The following CDK6 variants were observed in gnomAD, a reference collection of about 807,000 sequenced individuals.
CDK6 encodes the protein cyclin dependent kinase 6, also known as cyclin-dependent kinase 6.
Under a neutral mutation model 37.1 loss-of-function variants are expected in CDK6, and 6 were observed. The observed-to-expected ratio is 0.16, with a 90% CI of 0.09 to 0.32. The LOEUF is 0.32. CDK6 is among the 10% of genes least tolerant of loss of function. The pLI is 1.00. For synonymous variants in CDK6, 160 were observed against 161.3 expected (o/e 0.99, Z 0.06); for missense variants, 224 against 418.9 (o/e 0.53, Z 4.06).
At chr7:92,781,605 G>A (rs1799993663) in intron 2 of CDK6, among the ~76,000 whole-genome samples, 1 of 152,240 alleles carries the variant, frequency 6.6e-6, no homozygotes. Context: ...ACAATAAAAG[G>A]GAAATCTGTC....
At chr7:92,755,494 G>A (rs1413271979) in intron 3 of CDK6, among the ~76,000 whole-genome samples, 1 of 152,258 alleles carries the variant, frequency 6.6e-6, no homozygotes, top group East Asian at 1.9e-4. Context: ...AACATGGCGA[G>A]GGGCCCACAG....
intron 5 of CDK6, among the ~76,000 whole-genome samples, chr7:92,636,699 C>T (rs913220524): frequency 2.6e-5 from 4 of 152,058 alleles, no homozygotes; most frequent in South Asian, 2.1e-4. Context: ...TCCCCTGAGA[C>T]GGAGTGCCCA....
chr7:92,681,202 CT>C (rs1452518541), intron 4 of CDK6, among the ~76,000 whole-genome samples: 3 of 152,224 alleles, frequency 2.0e-5, no homozygotes, highest in East Asian at 3.9e-4. Context: ...ACCTGATTAG[CT>C]TCAGAGATTG....
chr7:92,710,633 A>G (rs956977297), intron 4 of CDK6: 1 of 894,708 alleles, frequency 1.1e-6, no homozygotes, highest in East Asian at 1.2e-4. Context: ...CCAGAAAAAA[A>G]TCTGAAGATT....
intron 4 of CDK6, among the ~76,000 whole-genome samples, chr7:92,714,213 A>G (rs1308903421): frequency 6.6e-6 from 1 of 152,232 alleles, no homozygotes; most frequent in East Asian, 1.9e-4. Flanking sequence ...GGCAGACTTC[A>G]GAGATGGCAT....
At position 92,612,958 on chromosome 7, in the gene CDK6, C is replaced by A; in HGVS notation, c.*2182G>T. 4.3e-6 allele frequency: 1 copy of A among 233,080 alleles called. No individual in the cohort carries two copies. Among genetic ancestry groups the A allele is most frequent in the Non-Finnish European group, 8.5e-6 (1 of 117,958 alleles). 14.4% of individuals were successfully genotyped at this position (233,080 alleles called of 1,614,324 possible). A position where few individuals can be genotyped will look rare whatever the true frequency, so the allele number is the denominator to read the frequency against. On this transcript the variant is annotated 3_prime_UTR_variant, in exon 8 of 8. Coordinates refer to ENST00000424848, the MANE Select transcript of CDK6 (RefSeq NM_001145306.2). ...CAAAGGAAAGGCAGAACTCACTTTT[C>A]CATGTGAGACTTTGAGTAGACCTGA... is the stretch of plus-strand genomic sequence containing the variant.
At chr7:92,665,950 C>T (rs1319726015) in intron 5 of CDK6, among the ~76,000 whole-genome samples, 2 of 152,196 alleles carry the variant, frequency 1.3e-5, no homozygotes, top group Admixed American at 1.3e-4. Flanking sequence ...TCTGTAAGCT[C>T]TGGAAAGAAG....
At chr7:92,720,881 T>C (rs2065123983) in intron 4 of CDK6, among the ~76,000 whole-genome samples, 1 of 152,198 alleles carries the variant, frequency 6.6e-6, no homozygotes. Flanking sequence ...AACAGGTGTA[T>C]ATTCTTGAAA....
chr7:92,641,901 T>A (rs1796316253), intron 5 of CDK6, among the ~76,000 whole-genome samples: 1 of 152,240 alleles, frequency 6.6e-6, no homozygotes, highest in African/African-American at 2.4e-5. Context: ...ACAGTTAAAG[T>A]ACATTCTGTT....
chr7:92,750,597 C>T (rs1311177283), intron 3 of CDK6, among the ~76,000 whole-genome samples: 1 of 152,086 alleles, frequency 6.6e-6, no homozygotes, highest in African/African-American at 2.4e-5. Flanking sequence ...GTGATAAAAC[C>T]TTATTGTAAC....
intron 5 of CDK6, among the ~76,000 whole-genome samples, chr7:92,633,215 T>C (rs1796093723): frequency 1.3e-5 from 2 of 152,158 alleles, no homozygotes; most frequent in African/African-American, 4.8e-5. Context: ...TAAAGACAAC[T>C]GGTATCCTGT....
At chr7:92,704,899 T>C (rs1020104524) in intron 4 of CDK6, among the ~76,000 whole-genome samples, 3 of 152,250 alleles carry the variant, frequency 2.0e-5, no homozygotes, top group African/African-American at 4.8e-5. Context: ...TTAAACTGTA[T>C]AGTTAATACC....
At chr7:92,739,382 T>A (rs1463558244) in intron 3 of CDK6, among the ~76,000 whole-genome samples, 1 of 152,154 alleles carries the variant, frequency 6.6e-6, no homozygotes, top group Non-Finnish European at 1.5e-5. Context: ...TTTAGAATAG[T>A]CCCTGGTAAC....
intron 5 of CDK6, among the ~76,000 whole-genome samples, chr7:92,667,433 A>C (rs1796982547): frequency 6.6e-6 from 1 of 152,136 alleles, no homozygotes; most frequent in Non-Finnish European, 1.5e-5. Flanking sequence ...TCTAAACTCA[A>C]GTGATCCTCC....
intron 2 of CDK6, among the ~76,000 whole-genome samples, chr7:92,832,144 C>T (rs1471931239): frequency 6.6e-6 from 1 of 152,166 alleles, no homozygotes; most frequent in Admixed American, 6.5e-5. Context: ...TAAAGCTATG[C>T]ATCTCTGTTT....
chr7:92,764,139 C>CT (rs397891071), intron 3 of CDK6, among the ~76,000 whole-genome samples: 27,750 of 140,418 alleles, frequency 0.2, 3,638 homozygotes, highest in African/African-American at 0.38. Flanking sequence ...GTTTATTTGT[C>CT]TTTTTTTTTT....
intron 2 of CDK6, among the ~76,000 whole-genome samples, chr7:92,791,529 T>C (rs919963372): frequency 3.9e-5 from 6 of 151,940 alleles, no homozygotes; most frequent in Admixed American, 6.6e-5. Context: ...AGCCCTGAGG[T>C]AGAATATAGG....
chr7:92,696,279 C>T lies in CDK6; in HGVS notation c.538-24744G>A, dbSNP rs118186508. Among the ~76,000 whole-genome samples the T allele has an allele frequency of 2.1e-3, 317 of 152,256 alleles. 7 individuals are homozygous for T. The East Asian group carries it at 0.058, about 28-fold the overall frequency. On this transcript the variant is annotated intron_variant, in intron 4 of 7. Coordinates refer to ENST00000424848, the MANE Select transcript of CDK6 (RefSeq NM_001145306.2). ...AATGGTGCTTAAAATTAAAGACAGG[C>T]TAAATTGCTAACAGGCCAACTTAAA...
At chr7:92,818,767 A>C (rs1801092427) in intron 2 of CDK6, among the ~76,000 whole-genome samples, 1 of 152,086 alleles carries the variant, frequency 6.6e-6, no homozygotes, top group Non-Finnish European at 1.5e-5. Context: ...GTCAATTTGA[A>C]CAGAAACTTC....
Sources: gnomAD v4.1 joint callset for allele counts (sites outside exome capture counted in the v4.1 genomes callset) on GRCh38, gnomAD v4.1.1 for gene constraint, MANE v1.5 for transcripts, NCBI Gene and HGNC (gene_info 2026-07-23, HGNC 2026-07-21) for gene names.